DPYSL3: variants seen among roughly 807,000 people sequenced by gnomAD.
The protein encoded by DPYSL3 is dihydropyrimidinase like 3.
DPYSL3 carries 16 observed loss-of-function variants against 66.1 expected under a neutral mutation model. The observed-to-expected ratio is 0.24, with a 90% CI of 0.16 to 0.37. The LOEUF (loss-of-function observed/expected upper bound fraction) is 0.37. Ranked by LOEUF, DPYSL3 falls within the 10% of genes least tolerant of loss-of-function variation. The probability of loss-of-function intolerance (pLI) is 1.00; values close to 1 mark genes in which losing one functional copy is unlikely to be tolerated. For synonymous variants in DPYSL3, 338 were observed against 345.1 expected, an observed-to-expected ratio of 0.98 and a Z score of 0.23; for missense variants, 738 against 916.2, an observed-to-expected ratio of 0.81 and a Z score of 2.51.
Position 147,446,716 on chromosome 5 carries a change from C to T in DPYSL3, c.382-21753G>A, listed in dbSNP as rs115857304. 6.4e-3 allele frequency among the ~76,000 whole-genome samples: 978 copies of T among 152,350 alleles called. 5 individuals are homozygous for T. Among genetic ancestry groups the T allele is most frequent in the Non-Finnish European group, 9.5e-3 (646 of 68,034 alleles). On this transcript the variant is annotated intron_variant, in intron 1 of 13. Transcript: ENST00000343218. ...ACAGCATCTGCTTTTCCACCCTGTACTCATACATGCTCCTGGGCAAAAGCC... is the reference window on the plus strand; with the variant it reads ...ACAGCATCTGCTTTTCCACCCTGTATTCATACATGCTCCTGGGCAAAAGCC...
At chr5:147,438,535 T>C (rs1439589184) in intron 1 of DPYSL3, among the ~76,000 whole-genome samples, 1 of 152,222 alleles carries the variant, frequency 6.6e-6, no homozygotes, top group East Asian at 1.9e-4. Context: ...GCAAAGACCA[T>C]GTTAACATTA....
At chr5:147,431,682 G>A (rs56171142) in intron 1 of DPYSL3, among the ~76,000 whole-genome samples, 3,705 of 152,110 alleles carry the variant, frequency 0.024, 141 homozygotes, top group African/African-American at 0.084. Context: ...TTCCAGAGAC[G>A]CCAGTCCCCA....
chr5:147,419,929 T>G (rs1244854798), intron 2 of DPYSL3, among the ~76,000 whole-genome samples: 1 of 152,150 alleles, frequency 6.6e-6, no homozygotes, highest in Non-Finnish European at 1.5e-5. Context: ...TAAGGAAAAT[T>G]GAGAACCAAG....
chr5:147,477,566 T>A (rs1367612369), intron 1 of DPYSL3, among the ~76,000 whole-genome samples: 2 of 108,014 alleles, frequency 1.9e-5, no homozygotes, highest in African/African-American at 7.8e-5. Flanking sequence ...TAAATCTTTT[T>A]TTTTTTTTTT....
intron 1 of DPYSL3, among the ~76,000 whole-genome samples, chr5:147,438,822 T>G (rs1268701197): frequency 6.6e-6 from 1 of 152,216 alleles, no homozygotes; most frequent in Non-Finnish European, 1.5e-5. Context: ...AGCAAACAAG[T>G]TATCATCTTT....
chr5:147,402,404 G>A (rs1758212255), intron 8 of DPYSL3, among the ~76,000 whole-genome samples: 2 of 133,142 alleles, frequency 1.5e-5, no homozygotes, highest in Admixed American at 7.1e-5. Context: ...CTGGAGTGCA[G>A]TGGCGCGATC....
chr5:147,415,072 A>C (rs1200562934), intron 4 of DPYSL3, among the ~76,000 whole-genome samples: 1 of 152,074 alleles, frequency 6.6e-6, no homozygotes, highest in Non-Finnish European at 1.5e-5. Context: ...AGAAGCAGAG[A>C]ATGGAGGAAT....
intron 4 of DPYSL3, among the ~76,000 whole-genome samples, chr5:147,414,641 T>G (rs1751924486): frequency 6.6e-6 from 1 of 152,186 alleles, no homozygotes; most frequent in Non-Finnish European, 1.5e-5. Flanking sequence ...AAGTGAGTGT[T>G]AAAGCCGTTC....
intron 1 of DPYSL3, among the ~76,000 whole-genome samples, chr5:147,463,816 A>C (rs1045132655): frequency 2.6e-5 from 4 of 152,132 alleles, no homozygotes; most frequent in Admixed American, 6.5e-5. Flanking sequence ...AGATACAAGC[A>C]GCCACTTGGT....
intron 1 of DPYSL3, among the ~76,000 whole-genome samples, chr5:147,441,251 C>T (rs1041562403): frequency 2.0e-5 from 3 of 152,136 alleles, no homozygotes; most frequent in Non-Finnish European, 1.5e-5. Flanking sequence ...CTTATCTTCC[C>T]AAAGTTATGA....
intron 1 of DPYSL3, among the ~76,000 whole-genome samples, chr5:147,436,071 T>G (rs1351502057): frequency 6.6e-6 from 1 of 152,146 alleles, no homozygotes; most frequent in Non-Finnish European, 1.5e-5. Flanking sequence ...TACCCCGACT[T>G]CATTGTTCAC....
chr5:147,498,238 C>T (rs1251631563), intron 1 of DPYSL3, among the ~76,000 whole-genome samples: 2 of 151,854 alleles, frequency 1.3e-5, no homozygotes, highest in Non-Finnish European at 2.9e-5. Context: ...GCCTCCAGCT[C>T]TACCCATATT....
At chr5:147,491,651 T>C (rs1753416707) in intron 1 of DPYSL3, among the ~76,000 whole-genome samples, 1 of 151,972 alleles carries the variant, frequency 6.6e-6, no homozygotes, top group African/African-American at 2.4e-5. Context: ...TAATGACGAA[T>C]GCTTTTGGTA....
At chr5:147,459,855 A>G (rs985096877) in intron 1 of DPYSL3, among the ~76,000 whole-genome samples, 3 of 152,244 alleles carry the variant, frequency 2.0e-5, no homozygotes, top group Non-Finnish European at 4.4e-5. Flanking sequence ...TCACGCCTGT[A>G]ATGCCAGCAC....
intron 1 of DPYSL3, among the ~76,000 whole-genome samples, chr5:147,465,670 C>G (rs1752999445): frequency 6.6e-6 from 1 of 152,186 alleles, no homozygotes; most frequent in Non-Finnish European, 1.5e-5. Context: ...TTGCCCCTGT[C>G]TAAAGCCCCG....
At chr5:147,436,559 T>A (rs1290515037) in intron 1 of DPYSL3, among the ~76,000 whole-genome samples, 1 of 152,244 alleles carries the variant, frequency 6.6e-6, no homozygotes, top group Admixed American at 6.5e-5. Flanking sequence ...CCTTTTAAAC[T>A]TTTTCTTCTC....
chr5:147,502,347 A>G (rs1753623724), intron 1 of DPYSL3, among the ~76,000 whole-genome samples: 1 of 150,304 alleles, frequency 6.7e-6, no homozygotes, highest in Non-Finnish European at 1.5e-5. Context: ...GCATCTCCTC[A>G]CTTTTGGGAA....
At chr5:147,416,811 T>C (rs1471573525) in intron 3 of DPYSL3, among the ~76,000 whole-genome samples, 1 of 152,190 alleles carries the variant, frequency 6.6e-6, no homozygotes, top group Non-Finnish European at 1.5e-5. Flanking sequence ...TTGGAAACAA[T>C]TGAAATTGTT....
At chr5:147,472,023 T>C (rs774988304) in intron 1 of DPYSL3, among the ~76,000 whole-genome samples, 1 of 152,182 alleles carries the variant, frequency 6.6e-6, no homozygotes, top group Non-Finnish European at 1.5e-5. Context: ...AGAGAGCAAT[T>C]CTGTGAGACC....
Sources: gnomAD v4.1 joint callset for allele counts (sites outside exome capture counted in the v4.1 genomes callset) on GRCh38, gnomAD v4.1.1 for gene constraint, MANE v1.5 for transcripts, NCBI Gene and HGNC (gene_info 2026-07-23, HGNC 2026-07-21) for gene names.